The following ZNF761 variants were observed in gnomAD, a reference collection of about 807,000 sequenced individuals.
ZNF761 encodes the protein zinc finger protein 761.
Under a neutral mutation model 59.9 loss-of-function variants are expected in ZNF761, and 43 were observed. The ratio of observed to expected loss-of-function variants is 0.72; its 90% CI spans 0.56 to 0.92. The LOEUF (loss-of-function observed/expected upper bound fraction) is 0.92. Ranked by LOEUF, ZNF761 falls within the 40% of genes least tolerant of loss-of-function variation. ZNF761 has a pLI of 0.00. For missense variants in ZNF761, 850 were observed against 906.1 expected (o/e 0.94, Z 0.79); for synonymous variants, 294 against 304.8 (o/e 0.96, Z 0.37).
At position 53,455,609 on chromosome 19, in the gene ZNF761, T is replaced by C. The variant is rs1188724214; in HGVS notation, c.1102T>C (p.Ser368Pro). 1 of 1,605,158 alleles carries C rather than the reference T, an allele frequency of 6.2e-7. No individual in the cohort carries two copies. The highest frequency in any genetic ancestry group is 1.4e-5 in the African/African-American group (1 of 72,170). Residue 368 changes from serine to proline, a missense_variant, in exon 5 of 5, where the codon TCC (serine) becomes CCC (proline). Ser to Pro is a moderately conservative substitution (Grantham distance 74). Coordinates refer to ENST00000684525, the MANE Select transcript of ZNF761 (RefSeq NM_001289951.2). ...TGGCAAGACCTTTAGTCACAAGTCATCCCTTACATGCCATCATAGACTTCA... is the reference window on the plus strand; with the variant it reads ...TGGCAAGACCTTTAGTCACAAGTCACCCCTTACATGCCATCATAGACTTCA... ...ECGKTFSHKSSLTCHHRLHTG... is the reference protein window; with the variant it reads ...ECGKTFSHKSPLTCHHRLHTG...
intron 1 of ZNF761, 46 bp from the exon 2 acceptor site, chr19:53,446,181 C>CTA (rs1465503092): frequency 2.6e-5 from 4 of 153,724 alleles, no homozygotes; most frequent in Admixed American, 6.6e-5. Context: ...TTTATTATCT[C>CTA]TACATCAATC....
Position 53,433,461 on chromosome 19 carries a change from C to G in ZNF761, c.-185+1433C>G, listed in dbSNP as rs75422084. 3.3e-4 allele frequency among the ~76,000 whole-genome samples: 48 copies of G among 143,604 alleles called. 2 individuals are homozygous for G. The highest frequency in any genetic ancestry group is 1.0e-3 in the African/African-American group (38 of 37,502). The allele number at this position is 143,604 out of a possible 152,430, so 94.2% of individuals were successfully genotyped here. A position where few individuals can be genotyped will look rare whatever the true frequency, so the allele number is the denominator to read the frequency against. ...CCCATTTCTTTGGCTTCGACTTCGC[C>G]AAGTCGAGCTTGCTAGGCAGAGGAA... is the stretch of plus-strand genomic sequence containing the variant. On this transcript the variant is annotated intron_variant, in intron 1 of 4. Coordinates refer to ENST00000684525, the MANE Select transcript of ZNF761 (RefSeq NM_001289951.2).
chr19:53,453,499 T>C (rs1436551427), intron 4 of ZNF761, among the ~76,000 whole-genome samples: 13 of 152,162 alleles, frequency 8.5e-5, no homozygotes. Context: ...GATTACAATA[T>C]TTTACTAATT....
chr19:53,434,023 A>T (rs2086007907), intron 1 of ZNF761, among the ~76,000 whole-genome samples: 1 of 152,182 alleles, frequency 6.6e-6, no homozygotes, highest in African/African-American at 2.4e-5. Flanking sequence ...GTCTAAAGCT[A>T]ATCTATTTTG....
chr19:53,444,861 C>T (rs1394267456), intron 1 of ZNF761: 1 of 146,320 alleles, frequency 6.8e-6, no homozygotes, highest in African/African-American at 2.4e-5. Flanking sequence ...GTTTTAGGCC[C>T]TGGACCCCGG....
chr19:53,433,649 G>A lies in ZNF761; in HGVS notation c.-185+1621G>A, dbSNP rs188633500. ...ACATCACTATTACTGGATTCTTCAT[G>A]AAAGAGCACTGGCTGATATTTATAT... On this transcript the variant is annotated intron_variant, in intron 1 of 4. Transcript: ENST00000684525. Among the ~76,000 whole-genome samples, 255 of 152,282 alleles carry A rather than the reference G, an allele frequency of 1.7e-3. 1 individual carries two copies. Among genetic ancestry groups the A allele is most frequent in the Non-Finnish European group, 2.2e-3 (152 of 68,012 alleles).
chr19:53,455,348 C>G lies in ZNF761; in HGVS notation c.841C>G (p.Gln281Glu), dbSNP rs2086257293. Residue 281 changes from glutamine (Q) to glutamate (E), a missense_variant, in exon 5 of 5, where the codon CAG becomes GAG. Coordinates refer to ENST00000684525, the MANE Select transcript of ZNF761 (RefSeq NM_001289951.2). ...TAATGAGTGTGGCAAGACCTTCAGT[C>G]AGACGTCATCCCTTACATGCCATCG... The part of the protein sequence containing the change: ...KCNECGKTFS[Q>E]TSSLTCHRRL... 1.9e-6 allele frequency: 3 copies of G among 1,614,194 alleles called. No homozygotes were observed.
At chr19:53,435,637 C>T (rs2086033582) in intron 1 of ZNF761, among the ~76,000 whole-genome samples, 2 of 152,036 alleles carry the variant, frequency 1.3e-5, no homozygotes, top group Admixed American at 6.6e-5. Flanking sequence ...AGTCCTTGTA[C>T]ACTCATAATA....
intron 1 of ZNF761, chr19:53,442,061 C>T (rs2086106683): frequency 2.2e-6 from 2 of 890,842 alleles, no homozygotes; most frequent in Non-Finnish European, 3.6e-6. Flanking sequence ...GGACTGTGCT[C>T]AGGAGCGCCT....
In ZNF761 at chr19:53,454,634, T is replaced by G. The variant is rs754544707; in HGVS notation, c.143-16T>G. The G allele has an allele frequency of 9.6e-6, 15 of 1,563,576 alleles. No individual in the cohort carries two copies. The highest frequency in any genetic ancestry group is 1.3e-5 in the Non-Finnish European group (15 of 1,156,186). ...CTGTACTTAATTTGAAAGCTTTCGG[T>G]GTTTATGTTTTGTAGATATCTCTTC... is the stretch of plus-strand genomic sequence containing the variant. On this transcript the variant is annotated splice_polypyrimidine_tract_variant and intron_variant, in intron 4 of 4. Coordinates refer to ENST00000684525, the MANE Select transcript of ZNF761 (RefSeq NM_001289951.2).
In ZNF761 at chr19:53,455,875, T is replaced by C. The variant is rs753023377; in HGVS notation, c.1368T>C (p.His456=). The C allele has an allele frequency of 1.2e-6, 2 of 1,613,656 alleles. No homozygotes were observed. The highest frequency in any genetic ancestry group is 2.2e-5 in the East Asian group (1 of 44,694). The change falls in exon 5 of 5, where the codon CAT becomes CAC. Residue 456 remains histidine, a synonymous_variant. Transcript: ENST00000684525. ...TFSRTSSLTC[H]RRRHTGEQPY... is the part of the protein sequence containing the mutation. ...GCCGGACATCATCCCTTACATGCCA[T>C]CGTAGACGTCATACTGGAGAGCAAC...
intron 1 of ZNF761, among the ~76,000 whole-genome samples, chr19:53,440,616 A>G (rs1361377538): frequency 1.3e-5 from 2 of 152,104 alleles, no homozygotes; most frequent in South Asian, 2.1e-4. Flanking sequence ...TGGGGTAGGA[A>G]GTGGGGCAAT....
In ZNF761 at chr19:53,456,391, T is replaced by C. The variant is rs2086271639; in HGVS notation, c.1884T>C (p.His628=). 1.2e-6 allele frequency: 2 copies of C among 1,613,872 alleles called. No individual in the cohort carries two copies. The highest frequency in any genetic ancestry group is 1.7e-5 in the Admixed American group (1 of 59,980). ...CCCTTACATGCCATCGTAGACTTCA[T>C]ACCGGAGAGAAACCTTACAAATGTG... ...TSSLTCHRRL[H]TGEKPYKCEE... Residue 628 remains histidine (H), a synonymous_variant, in exon 5 of 5, where the codon CAT becomes CAC. Coordinates refer to ENST00000684525, the MANE Select transcript of ZNF761 (RefSeq NM_001289951.2).
chr19:53,449,175 C>T (rs942854119), intron 3 of ZNF761, among the ~76,000 whole-genome samples: 14 of 152,024 alleles, frequency 9.2e-5, no homozygotes, highest in African/African-American at 3.1e-4. Context: ...GCTAAAAATA[C>T]AAAAATTAAC....
chr19:53,452,781 G>A (rs769984821), intron 4 of ZNF761, among the ~76,000 whole-genome samples: 4 of 152,176 alleles, frequency 2.6e-5, no homozygotes, highest in Non-Finnish European at 5.9e-5. Flanking sequence ...TTTTATGAAA[G>A]CACAAGTCCT....
chr19:53,447,432 G>A (rs777328666), intron 3 of ZNF761, 149 bp downstream of exon 3: 24 of 1,220,528 alleles, frequency 2.0e-5, no homozygotes, highest in African/African-American at 3.0e-5. Context: ...CTCTTATCTC[G>A]CTTAGATTCC....
At chr19:53,432,819 A>G (rs567044550) in intron 1 of ZNF761, among the ~76,000 whole-genome samples, 1 of 152,188 alleles carries the variant, frequency 6.6e-6, no homozygotes, top group African/African-American at 2.4e-5. Context: ...GCAGGAGGAG[A>G]AAAGCAAGTG....
At chr19:53,446,728 C>G (rs190396551) in intron 2 of ZNF761, among the ~76,000 whole-genome samples, 1 of 152,050 alleles carries the variant, frequency 6.6e-6, no homozygotes, top group African/African-American at 2.4e-5. Flanking sequence ...AGGCTGGTCT[C>G]AAACTCCTGA....
intron 3 of ZNF761, among the ~76,000 whole-genome samples, chr19:53,447,821 A>T (rs1168625289): frequency 2.6e-5 from 4 of 152,190 alleles, no homozygotes; most frequent in Non-Finnish European, 5.9e-5. Flanking sequence ...GACATGAAAG[A>T]TAGAAGATGT....
Sources: gnomAD v4.1 joint callset for allele counts (sites outside exome capture counted in the v4.1 genomes callset) on GRCh38, gnomAD v4.1.1 for gene constraint, MANE v1.5 for transcripts, NCBI Gene and HGNC (gene_info 2026-07-23, HGNC 2026-07-21) for gene names.